The following DLGAP1 variants were observed in gnomAD, a reference collection of about 807,000 sequenced individuals.
DLGAP1 encodes the protein DLG associated protein 1.
Under a neutral mutation model 90.8 loss-of-function variants are expected in DLGAP1, and 11 were observed. The ratio of observed to expected loss-of-function variants is 0.12; its 90% CI spans 0.08 to 0.20. The LOEUF (loss-of-function observed/expected upper bound fraction) is 0.20. DLGAP1 is among the 10% of genes least tolerant of loss of function. The pLI, the probability that DLGAP1 is intolerant of heterozygous loss-of-function variation, is 1.00. For synonymous variants in DLGAP1, 558 were observed against 540.7 expected (o/e 1.03, Z -0.44); for missense variants, 1,050 against 1,333.8 (o/e 0.79, Z 3.31).
chr18:4,062,970 A>G (rs888608844), intron 2 of DLGAP1, among the ~76,000 whole-genome samples: 9 of 152,104 alleles, frequency 5.9e-5, no homozygotes, highest in Admixed American at 1.3e-4. Flanking sequence ...CATTGCTTCT[A>G]ACATATACAC....
At chr18:3,914,874 G>A (rs896043039) in intron 3 of DLGAP1, among the ~76,000 whole-genome samples, 1 of 152,114 alleles carries the variant, frequency 6.6e-6, no homozygotes, top group African/African-American at 2.4e-5. Context: ...CTTCCAAGGA[G>A]CTGGAACTAC....
intron 4 of DLGAP1, among the ~76,000 whole-genome samples, chr18:3,860,534 G>A (rs1017353436): frequency 6.6e-6 from 1 of 152,200 alleles, no homozygotes; most frequent in Admixed American, 6.5e-5. Context: ...TTTGAACACA[G>A]CTTTCTGGTA....
rs150966608 is a variant in DLGAP1, at chr18:4,004,061, TAAAC to T, written c.-73+1051_-73+1054del. ...CGTTAGTAACTGAGGGTCATATAAT[TAAAC>T]AAATAATTGTTATAGATGGTTCATT... On this transcript the variant is annotated intron_variant, in intron 3 of 12. Coordinates refer to ENST00000315677, the MANE Select transcript of DLGAP1 (RefSeq NM_004746.4). Among the ~76,000 whole-genome samples the T allele has an allele frequency of 6.3e-3, 958 of 152,322 alleles. 11 individuals carry two copies. The highest frequency in any genetic ancestry group is 0.022 in the African/African-American group (916 of 41,570).
chr18:4,280,229 T>C (rs1351818084), intron 1 of DLGAP1, among the ~76,000 whole-genome samples: 1 of 152,202 alleles, frequency 6.6e-6, no homozygotes, highest in Non-Finnish European at 1.5e-5. Flanking sequence ...TTAATCATGA[T>C]ATAATTTTAA....
At chr18:4,355,742 CT>C (rs56040788) in intron 1 of DLGAP1, among the ~76,000 whole-genome samples, 7,679 of 124,652 alleles carry the variant, frequency 0.062, 374 homozygotes, top group African/African-American at 0.16. Flanking sequence ...AATCCGGGAT[CT>C]TTTTTTTTTT....
At chr18:3,779,015 C>A (rs142861989) in intron 5 of DLGAP1, among the ~76,000 whole-genome samples, 3 of 152,146 alleles carry the variant, frequency 2.0e-5, no homozygotes, top group Admixed American at 6.5e-5. Context: ...GTCATCCCCC[C>A]ACGACCCAGG....
intron 2 of DLGAP1, among the ~76,000 whole-genome samples, chr18:4,051,438 G>T (rs1436364073): frequency 6.6e-6 from 1 of 152,212 alleles, no homozygotes; most frequent in Non-Finnish European, 1.5e-5. Flanking sequence ...AATGCAAAGT[G>T]AAGTGGGGGG....
intron 4 of DLGAP1, among the ~76,000 whole-genome samples, chr18:3,872,002 C>G (rs2070774611): frequency 1.3e-5 from 2 of 152,008 alleles, no homozygotes; most frequent in Admixed American, 6.6e-5. Flanking sequence ...TTAGTAGAAA[C>G]TCCAGTTGAC....
chr18:4,209,576 G>C (rs2077797767), intron 1 of DLGAP1, among the ~76,000 whole-genome samples: 1 of 152,050 alleles, frequency 6.6e-6, no homozygotes, highest in South Asian at 2.1e-4. Flanking sequence ...GGAGATCATA[G>C]GCCTCATATT....
At chr18:4,055,589 T>A (rs868090216) in intron 2 of DLGAP1, among the ~76,000 whole-genome samples, 2 of 152,174 alleles carry the variant, frequency 1.3e-5, no homozygotes, top group African/African-American at 2.4e-5. Context: ...GGAAATGGCC[T>A]CCAGCTACAT....
In DLGAP1 at chr18:4,222,847, C is replaced by T. The variant is rs78047195; in HGVS notation, c.-266-71560G>A. On this transcript the variant is annotated intron_variant, in intron 1 of 12. Transcript: ENST00000315677. The stretch of plus-strand genomic sequence containing the variant: ...GATACAGGCACTCACTGAATAAAAC[C>T]ATAATAATGTCTAATTTGGGGGAGT... 1.9e-3 allele frequency among the ~76,000 whole-genome samples: 287 copies of T among 151,544 alleles called. 1 individual carries two copies. Among genetic ancestry groups the T allele is most frequent in the African/African-American group, 6.7e-3 (279 of 41,368 alleles).
intron 6 of DLGAP1, among the ~76,000 whole-genome samples, chr18:3,741,330 T>TCACCACCAC (rs376924253): frequency 4.4e-4 from 28 of 64,004 alleles, no homozygotes; most frequent in African/African-American, 1.9e-3. Flanking sequence ...ACCACCACCA[T>TCACCACCAC]CACCACCACC....
chr18:4,379,112 G>C (rs183571979), intron 1 of DLGAP1, among the ~76,000 whole-genome samples: 4 of 152,218 alleles, frequency 2.6e-5, no homozygotes, highest in African/African-American at 9.6e-5. Flanking sequence ...GTAGTTCTTG[G>C]AGCTGGAAAA....
At chr18:4,218,887 T>A (rs1304089591) in intron 1 of DLGAP1, among the ~76,000 whole-genome samples, 1 of 151,498 alleles carries the variant, frequency 6.6e-6, no homozygotes, top group Non-Finnish European at 1.5e-5. Context: ...TGATTGACAC[T>A]TAGGTTGATT....
intron 7 of DLGAP1, among the ~76,000 whole-genome samples, chr18:3,583,529 C>A (rs562103918): frequency 1.3e-5 from 2 of 152,172 alleles, no homozygotes; most frequent in African/African-American, 4.8e-5. Context: ...AGTATTTACA[C>A]TGTACAAAAG....
chr18:3,751,453 C>T (rs1005659896), intron 5 of DLGAP1, among the ~76,000 whole-genome samples: 1 of 152,002 alleles, frequency 6.6e-6, no homozygotes, highest in Non-Finnish European at 1.5e-5. Flanking sequence ...TGTGTCACTA[C>T]ACCTGGCTAA....
chr18:4,220,265 CAG>C (rs1299053066), intron 1 of DLGAP1, among the ~76,000 whole-genome samples: 23 of 120,160 alleles, frequency 1.9e-4, no homozygotes, highest in Non-Finnish European at 5.7e-5. Context: ...TGAACAAAGA[CAG>C]TACATAAAAT....
intron 1 of DLGAP1, among the ~76,000 whole-genome samples, chr18:4,297,645 T>A (rs2143182017): frequency 6.6e-6 from 1 of 152,308 alleles, no homozygotes. Context: ...AATGTCTCCA[T>A]TAAGATAGAC....
chr18:4,234,018 T>G (rs144255995), intron 1 of DLGAP1, among the ~76,000 whole-genome samples: 26 of 152,152 alleles, frequency 1.7e-4, no homozygotes, highest in African/African-American at 5.5e-4. Flanking sequence ...TCTGACTCAG[T>G]TTGAGCAAAA....
Sources: allele counts gnomAD v4.1 joint callset (sites outside exome capture counted in the v4.1 genomes callset), GRCh38; gene constraint gnomAD v4.1.1; transcripts MANE v1.5; gene names NCBI Gene and HGNC (gene_info 2026-07-23, HGNC 2026-07-21).